MAT2B: variants seen among roughly 807,000 people sequenced by gnomAD.
MAT2B encodes the protein methionine adenosyltransferase 2 subunit beta.
Under a neutral mutation model 36.1 loss-of-function variants are expected in MAT2B, and 16 were observed. The observed-to-expected ratio is 0.44, with a 90% confidence interval of 0.30 to 0.67. The LOEUF (loss-of-function observed/expected upper bound fraction) is 0.67, where lower values mean the gene tolerates loss of function less well. Among genes scored for constraint, MAT2B ranks in the 30% least tolerant of loss-of-function variants. MAT2B has a pLI of 0.09. For missense variants in MAT2B, 332 were observed against 398.2 expected (o/e 0.83, Z 1.42); for synonymous variants, 148 against 136.9 (o/e 1.08, Z -0.57).
At chr5:163,508,376 T>G in intron 1 of MAT2B, among the ~76,000 whole-genome samples, 1 of 151,902 alleles carries the variant, frequency 6.6e-6, no homozygotes, top group Admixed American at 6.6e-5. Flanking sequence ...TAGCTGAGAT[T>G]ATAGGCGCCC....
intron 1 of MAT2B, among the ~76,000 whole-genome samples, chr5:163,510,292 G>C (rs1040629998): frequency 2.0e-5 from 3 of 149,832 alleles, no homozygotes; most frequent in African/African-American, 7.4e-5. Context: ...CCTAAATAGT[G>C]GTTCTTTTTC....
chr5:163,512,793 GCCTAAGCTT>G (rs1760067303), intron 2 of MAT2B: 1 of 406,996 alleles, frequency 2.5e-6, no homozygotes. Context: ...CAATTCTCCT[GCCTAAGCTT>G]CCTGAGTACC....
chr5:163,514,052 A>G, intron 4 of MAT2B, 58 bp downstream of exon 4: 1 of 1,391,032 alleles, frequency 7.2e-7, no homozygotes, highest in South Asian at 1.4e-5. Flanking sequence ...AATCATTTAT[A>G]CATACACATA....
At chr5:163,505,164 C>A (rs935229284), upstream of MAT2B, among the ~76,000 whole-genome samples, 1 of 151,860 alleles carries the variant, frequency 6.6e-6, no homozygotes, top group African/African-American at 2.4e-5. Flanking sequence ...TTTTCTAAAT[C>A]TTTCAAAACC....
intron 1 of MAT2B, among the ~76,000 whole-genome samples, chr5:163,510,101 A>G (rs1760014484): frequency 6.6e-6 from 1 of 152,178 alleles, no homozygotes; most frequent in Non-Finnish European, 1.5e-5. Context: ...ATATGTATTT[A>G]AAGATTTTGA....
intron 1 of MAT2B, among the ~76,000 whole-genome samples, chr5:163,510,040 G>A (rs943906564): frequency 2.6e-5 from 4 of 151,944 alleles, no homozygotes; most frequent in East Asian, 1.9e-4. Context: ...GTATGTATTC[G>A]GCTAAGTAAT....
At chr5:163,512,354 G>T (rs2113556770) in intron 2 of MAT2B, 158 bp downstream of exon 2, 2 of 648,856 alleles carry the variant, frequency 3.1e-6, no homozygotes, top group Admixed American at 2.8e-5. Flanking sequence ...CATGGTATAT[G>T]TAAACCTTAA....
At chr5:163,510,597 A>T (rs1449932074) in intron 1 of MAT2B, among the ~76,000 whole-genome samples, 2 of 152,002 alleles carry the variant, frequency 1.3e-5, no homozygotes, top group African/African-American at 2.4e-5. Context: ...GGGTTTCACC[A>T]TGTTGGCCAG....
chr5:163,517,731 G>A, intron 6 of MAT2B, 57 bp downstream of exon 6: 1 of 1,077,428 alleles, frequency 9.3e-7, no homozygotes, highest in Non-Finnish European at 1.4e-6. Flanking sequence ...TATTATTGCT[G>A]TGTTGGGTAA....
At chr5:163,507,472 A>G (rs1759966139) in intron 1 of MAT2B, among the ~76,000 whole-genome samples, 2 of 152,224 alleles carry the variant, frequency 1.3e-5, no homozygotes, top group South Asian at 2.1e-4. Flanking sequence ...AGTTTAGACA[A>G]TAAGAGGCAG....
chr5:163,513,749 ATT>A, intron 3 of MAT2B, 80 bp downstream of exon 3: 1 of 1,504,456 alleles, frequency 6.6e-7, no homozygotes, highest in Non-Finnish European at 9.2e-7. Context: ...GTAGATGGTT[ATT>A]TGTTTTTATA....
chr5:163,516,622 G>T lies in MAT2B; in HGVS notation c.631G>T (p.Ala211Ser). The change falls in exon 5 of 7, where the codon GCA (alanine) becomes TCA (serine). Residue 211 changes from alanine to serine, a missense_variant. Ala to Ser is a moderately conservative substitution (Grantham distance 99). Coordinates refer to ENST00000321757, the MANE Select transcript of MAT2B (RefSeq NM_013283.5). ...FDKVQFSNKS[A>S]NMDHWQQRFP... ...TAAAGTGCAGTTCAGCAACAAGTCA[G>T]CAAACATGGATCACTGGCAGCAGAG... The T allele has an allele frequency of 1.2e-6, 2 of 1,614,202 alleles. No homozygotes were observed. The highest frequency in any genetic ancestry group is 2.2e-5 in the South Asian group (2 of 91,088).
chr5:163,513,542 GCTTAACT>G lies in MAT2B; in HGVS notation c.259-12_259-6del. The G allele has an allele frequency of 6.8e-7, 1 of 1,477,126 alleles. No individual in the cohort carries two copies. Among genetic ancestry groups the G allele is most frequent in the South Asian group, 1.2e-5 (1 of 84,852 alleles). 91.5% of individuals were successfully genotyped at this position (1,477,126 alleles called of 1,614,324 possible). On this transcript the variant is annotated splice_polypyrimidine_tract_variant and splice_region_variant and intron_variant, in intron 2 of 6. Transcript: ENST00000321757. ...TATTTTGAGTTAAAAATACGTCAAT[GCTTAACT>G]TCTAGCCCCATGTTATAGTACATTG...
chr5:163,512,230 C>A, intron 2 of MAT2B, 34 bp downstream of exon 2: 1 of 1,508,534 alleles, frequency 6.6e-7, no homozygotes, highest in Non-Finnish European at 9.2e-7. Flanking sequence ...TATACATGAA[C>A]AATATTAAGA....
Position 163,513,944 on chromosome 5 carries a change from A to G in MAT2B, c.476A>G (p.Tyr159Cys), listed in dbSNP as rs1760090545. 1.9e-6 allele frequency: 3 copies of G among 1,613,538 alleles called. No homozygotes were observed. The highest frequency in any genetic ancestry group is 1.1e-5 in the South Asian group (1 of 91,052). The change falls in exon 4 of 7, where the codon TAT becomes TGT. Residue 159 changes from tyrosine (Y) to cysteine (C), a missense_variant. Physicochemically the swap from Tyr to Cys is radical, Grantham distance 194 (BLOSUM62 -2). Transcript: ENST00000321757. ...GACATACCAGCTCCCCTAAATTTGT[A>G]TGGCAAAACAAAATTAGATGGAGAA... ...EEDIPAPLNL[Y>C]GKTKLDGEKA...
chr5:163,504,786 TA>T (rs1759900026), upstream of MAT2B, among the ~76,000 whole-genome samples: 1 of 152,102 alleles, frequency 6.6e-6, no homozygotes, highest in South Asian at 2.1e-4. Flanking sequence ...TAAAAGGTGG[TA>T]GAACGCCCAG....
chr5:163,512,732 G>T (rs543196114), intron 2 of MAT2B: 28 of 451,134 alleles, frequency 6.2e-5, no homozygotes, highest in African/African-American at 5.2e-4. Flanking sequence ...CCAGGCTGGA[G>T]TGCAGTGGTG....
At chr5:163,516,736 C>T in intron 5 of MAT2B, 25 bp downstream of exon 5, 1 of 1,612,686 alleles carries the variant, frequency 6.2e-7, no homozygotes, top group East Asian at 2.2e-5. Context: ...TGAGTCCTGT[C>T]TTAGCGAAGG....
In MAT2B at chr5:163,505,769, C is replaced by T; in HGVS notation, c.63+20C>T. The T allele has an allele frequency of 7.9e-7, 1 of 1,263,128 alleles. No individual in the cohort carries two copies. The allele number at this position is 1,263,128 out of a possible 1,614,324, so 78.2% of individuals were successfully genotyped here. A position where few individuals can be genotyped will look rare whatever the true frequency, so the allele number is the denominator to read the frequency against. On this transcript the variant is annotated intron_variant, in intron 1 of 6. Transcript: ENST00000321757. The stretch of plus-strand genomic sequence containing the variant: ...GTGGAGGTGAGGGAGTCGGCCTGGG[C>T]GTCTCCGGTGGGAGCGGGGGCGCCG...
Sources: allele counts gnomAD v4.1 joint callset (sites outside exome capture counted in the v4.1 genomes callset), GRCh38; gene constraint gnomAD v4.1.1; transcripts MANE v1.5; gene names NCBI Gene and HGNC (gene_info 2026-07-23, HGNC 2026-07-21).